CACFD1: variants seen among roughly 807,000 people sequenced by gnomAD.
CACFD1 encodes calcium channel flower homolog.
A neutral mutation model predicts 21.3 loss-of-function variants in CACFD1; 26 were observed. That is an observed-to-expected ratio of 1.22 (90% confidence interval 0.89 to 1.69). The LOEUF (loss-of-function observed/expected upper bound fraction) is 1.69, where lower values mean the gene tolerates loss of function less well. Among genes scored for constraint, CACFD1 ranks in the 40% most tolerant of loss-of-function variants. The pLI, the probability that CACFD1 is intolerant of heterozygous loss-of-function variation, is 0.00. For synonymous variants in CACFD1, 121 were observed against 106.6 expected (o/e 1.13, Z -0.83); for missense variants, 265 against 236.2 (o/e 1.12, Z -0.80).
rs891468452 is a variant in CACFD1, at chr9:133,468,662, G to C, written c.*9G>C. The stretch of plus-strand genomic sequence containing the variant: ...TGGAGGGGGAGCTGTGAAGGGCTGG[G>C]CGCCCCTCCCTCCCTGTCCCCTCTT... On this transcript the variant is annotated 3_prime_UTR_variant, in exon 5 of 5. Transcript: ENST00000316948. 4 of 1,562,566 alleles carry C rather than the reference G, an allele frequency of 2.6e-6. No individual in the cohort carries two copies. In the African/African-American group the frequency reaches 4.0e-5, roughly 16 times the overall value.
intron 3 of CACFD1, among the ~76,000 whole-genome samples, chr9:133,466,188 CGAA>C (rs1843429031): frequency 6.6e-6 from 1 of 152,082 alleles, no homozygotes; most frequent in African/African-American, 2.4e-5. Flanking sequence ...ATCTAAATCA[CGAA>C]GAACACAGGA....
At position 133,467,999 on chromosome 9, in the gene CACFD1, G is replaced by A; in HGVS notation, c.399G>A (p.Val133=). 1 of 1,613,920 alleles carries A rather than the reference G, an allele frequency of 6.2e-7. No individual in the cohort carries two copies. Among genetic ancestry groups the A allele is most frequent in the Non-Finnish European group, 8.5e-7 (1 of 1,179,984 alleles). Residue 133 remains valine (V), a synonymous_variant, in exon 4 of 5, where the codon GTG becomes GTA. Coordinates refer to ENST00000316948, the MANE Select transcript of CACFD1 (RefSeq NM_017586.5). ...LGNAIAFATG[V]LYGLSALGKK... ...ACGCCATCGCCTTTGCTACGGGGGT[G>A]CTGTACGGACTCTCTGCTCTGGGCA...
rs959035327 is a variant in CACFD1, at chr9:133,465,152, C to G, written c.195-170C>G. On this transcript the variant is annotated intron_variant, in intron 2 of 4. Coordinates refer to ENST00000316948, the MANE Select transcript of CACFD1 (RefSeq NM_017586.5). This position sits in a 1 kb window ranked among gnomAD's most constrained non-coding sequence, Gnocchi z 5.0. ...TGCTGGAGTCTTCAGCAGAGGCTCT[C>G]CGAGGGGTACGAGCAGGTGCCCTGG... The G allele has an allele frequency of 1.5e-6, 1 of 685,162 alleles. No homozygotes were observed. Among genetic ancestry groups the G allele is most frequent in the Non-Finnish European group, 2.6e-6 (1 of 391,706 alleles). 42.4% of individuals were successfully genotyped at this position (685,162 alleles called of 1,614,324 possible). A position where few individuals can be genotyped will look rare whatever the true frequency, so the allele number is the denominator to read the frequency against.
intron 1 of CACFD1, 90 bp from the exon 2 acceptor site, chr9:133,463,393 C>G: frequency 1.2e-6 from 2 of 1,602,522 alleles, no homozygotes; most frequent in Admixed American, 3.3e-5. Context: ...CGCAGAGACT[C>G]TCGTCCTTTC....
intron 2 of CACFD1, chr9:133,464,962 A>G (rs889109307): frequency 9.6e-6 from 2 of 207,432 alleles, no homozygotes; most frequent in East Asian, 1.4e-4. Context: ...CCAGTGCTCC[A>G]TCTGTGGATG....
chr9:133,468,281 C>T lies in CACFD1; in HGVS notation c.428+253C>T. On this transcript the variant is annotated intron_variant, in intron 4 of 4. Transcript: ENST00000316948. ...AGCAAAAACATGGCTGGTGGGAGCC[C>T]CTTCCCCTCCCAGGTCTGCACCGGG... 3 of 1,487,182 alleles carry T rather than the reference C, an allele frequency of 2.0e-6. 1 individual carries two copies. The South Asian group carries it at 3.9e-5, about 19-fold the overall frequency. The allele number at this position is 1,487,182 out of a possible 1,614,324, so 92.1% of individuals were successfully genotyped here.
In CACFD1 at chr9:133,465,400, G is replaced by A; in HGVS notation, c.273G>A (p.Glu91=). The change falls in exon 3 of 5, where the codon GAG becomes GAA. Residue 91 remains glutamate (E), a synonymous_variant. Transcript: ENST00000316948. The surrounding 1 kb of genome is among the most constrained non-coding windows in gnomAD (Gnocchi z 5.0). ...TCGAGTTTGCAAACACAGTGGCGGA[G>A]AAGGTGGACCGGCTGCGCTCCTGGC... ...QFIEFANTVA[E]KVDRLRSWQK... 6.2e-7 allele frequency: 1 copy of A among 1,614,080 alleles called. No homozygotes were observed. Among genetic ancestry groups the A allele is most frequent in the Non-Finnish European group, 8.5e-7 (1 of 1,179,966 alleles).
chr9:133,460,286 C>G (rs944872524), intron 1 of CACFD1, 99 bp downstream of exon 1: 1 of 1,134,530 alleles, frequency 8.8e-7, no homozygotes, highest in Non-Finnish European at 1.2e-6. Flanking sequence ...GGAAAGGACC[C>G]GCTGGGGGTC....
intron 1 of CACFD1, among the ~76,000 whole-genome samples, 190 bp downstream of exon 1, chr9:133,460,377 C>T (rs1275746052): frequency 7.4e-6 from 1 of 135,790 alleles, no homozygotes; most frequent in Non-Finnish European, 1.7e-5. Flanking sequence ...CATGGTTACC[C>T]GCTCGGGCCT....
chr9:133,468,123 C>CTA (rs1479585361), intron 4 of CACFD1, 95 bp downstream of exon 4: 7 of 1,130,272 alleles, frequency 6.2e-6, no homozygotes, highest in African/African-American at 1.5e-5. Context: ...CCCCTTTTAG[C>CTA]TAGTGGAGAC....
intron 2 of CACFD1, chr9:133,464,996 T>C: frequency 3.7e-6 from 1 of 273,456 alleles, no homozygotes; most frequent in Non-Finnish European, 7.0e-6. Context: ...GTTGTAGCAG[T>C]GCCATGATGT....
rs782661209 is a variant in CACFD1 at position 133,467,991 on chromosome 9, A to G, written c.391A>G (p.Thr131Ala). ...GCTGGGCAACGCCATCGCCTTTGCT[A>G]CGGGGGTGCTGTACGGACTCTCTGC... ...TLLGNAIAFATGVLYGLSALG... is the reference protein window; with the variant it reads ...TLLGNAIAFAAGVLYGLSALG... Residue 131 changes from threonine (T) to alanine (A), a missense_variant, in exon 4 of 5, where the codon ACG becomes GCG. Physicochemically the swap from Thr to Ala is moderately conservative, Grantham distance 58. Transcript: ENST00000316948. 6.8e-6 allele frequency: 11 copies of G among 1,613,916 alleles called. No homozygotes were observed. Among genetic ancestry groups the G allele is most frequent in the Non-Finnish European group, 6.8e-6 (8 of 1,180,002 alleles).
chr9:133,462,237 A>G (rs781791294), intron 1 of CACFD1: 27 of 1,304,174 alleles, frequency 2.1e-5, no homozygotes, highest in Non-Finnish European at 2.6e-5. Context: ...CAGGCACAGC[A>G]GAGAGGCAGG....
Position 133,470,339 on chromosome 9 carries a change from G to A in CACFD1, c.*1686G>A. On this transcript the variant is annotated 3_prime_UTR_variant, in exon 5 of 5. Transcript: ENST00000316948. ...CTCTGCTCATTCCTACCCAGGTAGT[G>A]GGACCCCGGGCCCCCTTCTGCCTGG... The A allele has an allele frequency of 6.6e-6, 1 of 152,582 alleles. No individual in the cohort carries two copies. The highest frequency in any genetic ancestry group is 1.5e-5 in the Non-Finnish European group (1 of 68,120). The allele number at this position is 152,582 out of a possible 1,614,324, so 9.5% of individuals were successfully genotyped here. A position where few individuals can be genotyped will look rare whatever the true frequency, so the allele number is the denominator to read the frequency against.
intron 1 of CACFD1, chr9:133,462,346 T>A (rs928184021): frequency 8.1e-7 from 1 of 1,240,588 alleles, no homozygotes; most frequent in Admixed American, 2.3e-5. Flanking sequence ...TGTCTAAGGC[T>A]GTGCTGAGGA....
rs1843582064 is a variant in CACFD1, at chr9:133,469,395, C to G, written c.*742C>G. ...TAAGGAAGTGGGGAGAGCAGGCTCTCCCTGGCACCGAGGGTGCCCACCCTC... is the reference window on the plus strand; with the variant it reads ...TAAGGAAGTGGGGAGAGCAGGCTCTGCCTGGCACCGAGGGTGCCCACCCTC... On this transcript the variant is annotated 3_prime_UTR_variant, in exon 5 of 5. Coordinates refer to ENST00000316948, the MANE Select transcript of CACFD1 (RefSeq NM_017586.5). The G allele has an allele frequency of 6.6e-6, 1 of 152,356 alleles. No homozygotes were observed. The highest frequency in any genetic ancestry group is 1.5e-5 in the Non-Finnish European group (1 of 68,206). 9.4% of individuals were successfully genotyped at this position (152,356 alleles called of 1,614,324 possible).
intron 1 of CACFD1, chr9:133,462,194 A>G (rs1279474203): frequency 7.7e-7 from 1 of 1,304,274 alleles, no homozygotes; most frequent in Non-Finnish European, 1.0e-6. Context: ...TGCTGACTGC[A>G]GCAGGAAGCA....
chr9:133,459,993 C>T lies in CACFD1; in HGVS notation c.-74C>T, dbSNP rs1564451857. ...CTAATATGCTCCCTCTCCCACAAGG[C>T]AGCGCGCCGGCTCGGACGCGGCCGG... On this transcript the variant is annotated 5_prime_UTR_variant, in exon 1 of 5. Transcript: ENST00000316948. 2.8e-6 allele frequency: 4 copies of T among 1,449,900 alleles called. No homozygotes were observed. The highest frequency in any genetic ancestry group is 3.6e-6 in the Non-Finnish European group (4 of 1,102,650). The allele number at this position is 1,449,900 out of a possible 1,614,324, so 89.8% of individuals were successfully genotyped here. A position where few individuals can be genotyped will look rare whatever the true frequency, so the allele number is the denominator to read the frequency against.
rs1338961097 is a variant in CACFD1 at position 133,460,181 on chromosome 9, G to A, written c.115G>A (p.Ala39Thr). Residue 39 changes from alanine (A) to threonine (T), a missense_variant, in exon 1 of 5, where the codon GCA becomes ACA. Physicochemically the swap from Ala to Thr is moderately conservative, Grantham distance 58 (BLOSUM62 0). Transcript: ENST00000316948. ...GTGTCGCCTGTCTGGGGTGCTGGGG[G>A]CAGTCTGTGAGTATCCAGTCGGGGA... is the stretch of plus-strand genomic sequence containing the variant. ...WLCRLSGVLGAVSCAISGLFN... is the reference protein window; with the variant it reads ...WLCRLSGVLGTVSCAISGLFN... The A allele has an allele frequency of 1.3e-6, 2 of 1,551,678 alleles. No homozygotes were observed. Among genetic ancestry groups the A allele is most frequent in the Non-Finnish European group, 8.7e-7 (1 of 1,148,616 alleles).
Sources: allele counts gnomAD v4.1 joint callset (sites outside exome capture counted in the v4.1 genomes callset), GRCh38; gene constraint gnomAD v4.1.1; non-coding constraint Gnocchi (gnomAD v3.1); transcripts MANE v1.5; gene names NCBI Gene and HGNC (gene_info 2026-07-23, HGNC 2026-07-21).